UBR1: variants seen among roughly 807,000 people sequenced by gnomAD.
UBR1 encodes the protein E3 ubiquitin-protein ligase UBR1.
In UBR1, 102 loss-of-function variants were observed where a neutral mutation model predicts 242.1. That is an observed-to-expected ratio of 0.42 (90% CI 0.36 to 0.50). The LOEUF (loss-of-function observed/expected upper bound fraction) is 0.50. Ranked by LOEUF, UBR1 falls within the 20% of genes least tolerant of loss-of-function variation. The probability of loss-of-function intolerance (pLI) is 0.01; values close to 1 mark genes in which losing one functional copy is unlikely to be tolerated. For synonymous variants in UBR1, 675 were observed against 684.8 expected (o/e 0.99, Z 0.22); for missense variants, 1,772 against 2,101.8 (o/e 0.84, Z 3.07).
At chr15:43,066,010 C>T (rs769177984) in intron 6 of UBR1, among the ~76,000 whole-genome samples, 1 of 152,086 alleles carries the variant, frequency 6.6e-6, no homozygotes, top group African/African-American at 2.4e-5. Context: ...GTTGCAATTG[C>T]TTTTGGTGTT....
chr15:42,956,855 C>T (rs2141252517), intron 44 of UBR1, among the ~76,000 whole-genome samples: 1 of 152,238 alleles, frequency 6.6e-6, no homozygotes, highest in East Asian at 1.9e-4. Flanking sequence ...GTTTAGATCT[C>T]TCTGGTGGTT....
At chr15:42,947,284 A>T (rs1028016523) in intron 46 of UBR1, among the ~76,000 whole-genome samples, 10 of 152,224 alleles carry the variant, frequency 6.6e-5, no homozygotes, top group Admixed American at 4.6e-4. Context: ...ACAATAGAAC[A>T]CTGAAACATT....
chr15:42,989,979 T>A (rs754420452), intron 34 of UBR1, 51 bp downstream of exon 34: 1 of 1,345,106 alleles, frequency 7.4e-7, no homozygotes. Flanking sequence ...TGTTTCCTAC[T>A]CTTATTTTCA....
intron 29 of UBR1, among the ~76,000 whole-genome samples, chr15:43,014,806 C>G (rs1199235079): frequency 6.7e-6 from 1 of 149,606 alleles, no homozygotes; most frequent in Non-Finnish European, 1.5e-5. Flanking sequence ...AGCCCCTGCC[C>G]GGCCAGCCGC....
rs975747828 is a variant in UBR1, at chr15:42,957,563, G to A, written c.4835+450C>T. 2.6e-5 allele frequency among the ~76,000 whole-genome samples: 4 copies of A among 152,106 alleles called. No individual in the cohort carries two copies. The South Asian group carries it at 8.3e-4, about 32-fold the overall frequency. On this transcript the variant is annotated intron_variant, in intron 44 of 46. Coordinates refer to ENST00000290650, the MANE Select transcript of UBR1 (RefSeq NM_174916.3). ...CAACCACTGTTATGAAGGATACTCAGAGGTCACCGCTAAAAAAGGAAATTT... is the reference window on the plus strand; with the variant it reads ...CAACCACTGTTATGAAGGATACTCAAAGGTCACCGCTAAAAAAGGAAATTT...
Position 43,017,114 on chromosome 15 carries a change from T to G in UBR1, c.3008A>C (p.Glu1003Ala). The G allele has an allele frequency of 6.2e-7, 1 of 1,613,458 alleles. No homozygotes were observed. ...TCATACCTCATCATTCTTAATAGAT[T>G]CCGATCCTGATGTGGTTGCTACAAT... ...CLIVATTSGS[E>A]SIKNDEITHD... The change falls in exon 28 of 47, where the codon GAA becomes GCA. Residue 1003 changes from glutamate (E) to alanine (A), a missense_variant. By Grantham distance (107) the Glu-to-Ala change is moderately radical. This residue lies in a region of UBR1 where 965 missense variants were observed against 1,079.7 expected (regional missense o/e 0.89). Coordinates refer to ENST00000290650, the MANE Select transcript of UBR1 (RefSeq NM_174916.3).
At chr15:43,054,613 C>T (rs1203008318) in intron 12 of UBR1, 129 bp downstream of exon 12, 5 of 1,044,978 alleles carry the variant, frequency 4.8e-6, no homozygotes, top group Admixed American at 3.5e-5. Flanking sequence ...AGTAACAGTT[C>T]TTTGTACTTG....
intron 30 of UBR1, among the ~76,000 whole-genome samples, chr15:43,006,358 T>C (rs1055260314): frequency 4.6e-5 from 7 of 152,344 alleles, no homozygotes; most frequent in African/African-American, 1.7e-4. Context: ...ATTATCACTA[T>C]TATTCCAAGG....
At chr15:43,082,249 CAG>C (rs1470601546) in intron 3 of UBR1, among the ~76,000 whole-genome samples, 3 of 151,788 alleles carry the variant, frequency 2.0e-5, no homozygotes, top group Admixed American at 6.6e-5. Flanking sequence ...AAAGAATACA[CAG>C]AGGTTTACTG....
At chr15:42,967,982 T>C (rs563258668) in intron 40 of UBR1, among the ~76,000 whole-genome samples, 1 of 151,424 alleles carries the variant, frequency 6.6e-6, no homozygotes, top group South Asian at 2.1e-4. Context: ...TTATACAATA[T>C]ATGTACATAT....
At chr15:42,985,654 C>T (rs1020199699) in intron 35 of UBR1, among the ~76,000 whole-genome samples, 1 of 151,840 alleles carries the variant, frequency 6.6e-6, no homozygotes, top group Admixed American at 6.6e-5. Flanking sequence ...CGCCCGACCT[C>T]GGGTACAATT....
chr15:43,023,968 G>A (rs1462058361), intron 25 of UBR1, among the ~76,000 whole-genome samples: 2 of 152,274 alleles, frequency 1.3e-5, no homozygotes, highest in Admixed American at 1.3e-4. Flanking sequence ...CTATTAATAG[G>A]AGACTACTGA....
intron 27 of UBR1, among the ~76,000 whole-genome samples, chr15:43,019,660 G>A (rs1423511945): frequency 6.9e-6 from 1 of 144,058 alleles, no homozygotes; most frequent in Non-Finnish European, 1.5e-5. Context: ...TCGGCTCACT[G>A]CAACCTCCGC....
chr15:42,960,755 G>T, intron 42 of UBR1, 54 bp from the exon 43 acceptor site: 2 of 1,553,496 alleles, frequency 1.3e-6, no homozygotes, highest in Middle Eastern at 1.7e-4. Flanking sequence ...TTCAATGCAT[G>T]ATTTGTCAAC....
At chr15:43,046,885 A>T (rs1248867245) in intron 14 of UBR1, among the ~76,000 whole-genome samples, 1 of 152,180 alleles carries the variant, frequency 6.6e-6, no homozygotes, top group African/African-American at 2.4e-5. Flanking sequence ...ATTATTATTA[A>T]TATGCATTTT....
rs563185269 is a variant in UBR1 at position 43,016,650 on chromosome 15, C to A, written c.3027+445G>T. Among the ~76,000 whole-genome samples, 358 of 152,288 alleles carry A rather than the reference C, an allele frequency of 2.4e-3. 2 individuals are homozygous for A. The highest frequency in any genetic ancestry group is 4.9e-3 in the Admixed American group (75 of 15,308). ...GGAATGCAGTAGCGTGATTTTGGCT[C>A]ACTGCAACCTCCGCCTCCTGGGTTC... On this transcript the variant is annotated intron_variant, in intron 28 of 46. Transcript: ENST00000290650.
At chr15:42,982,627 G>A (rs970356298) in intron 37 of UBR1, among the ~76,000 whole-genome samples, 2 of 152,162 alleles carry the variant, frequency 1.3e-5, no homozygotes, top group African/African-American at 2.4e-5. Flanking sequence ...CAGGATGAGC[G>A]GAAAGCTGCT....
Position 43,059,751 on chromosome 15 carries a change from T to C in UBR1, c.936A>G (p.Lys312=). The change falls in exon 8 of 47, where the codon AAA becomes AAG. Residue 312 remains lysine, a synonymous_variant. Transcript: ENST00000290650. The stretch of plus-strand genomic sequence containing the variant: ...TCCAGGAACCAAGACGCAAAGCAAA[T>C]TTCTGATGAGCCATAATCTCTGAGT... ...VLHSEIMAHQ[K]FALRLGSWMN... 1 of 1,614,126 alleles carries C rather than the reference T, an allele frequency of 6.2e-7. No individual in the cohort carries two copies. The highest frequency in any genetic ancestry group is 8.5e-7 in the Non-Finnish European group (1 of 1,180,020).
At chr15:42,996,997 G>A (rs893669372) in intron 33 of UBR1, among the ~76,000 whole-genome samples, 4 of 152,172 alleles carry the variant, frequency 2.6e-5, no homozygotes, top group Admixed American at 6.5e-5. Flanking sequence ...CAGGGCCATG[G>A]ACGAGTACCA....
Sources: allele counts gnomAD v4.1 joint callset (sites outside exome capture counted in the v4.1 genomes callset), GRCh38; gene constraint gnomAD v4.1.1; regional missense constraint gnomAD v4.1.1; transcripts MANE v1.5; gene names NCBI Gene and HGNC (gene_info 2026-07-23, HGNC 2026-07-21).